The following ZNF835 variants were observed in gnomAD, a reference collection of about 807,000 sequenced individuals.
The protein encoded by ZNF835 is zinc finger protein 835.
For synonymous variants in ZNF835, 323 were observed against 324.7 expected, an observed-to-expected ratio of 0.99 and a Z score of 0.06; for missense variants, 783 against 758.4, an observed-to-expected ratio of 1.03 and a Z score of -0.38.
rs528883526 is a variant in ZNF835 at position 56,667,687 on chromosome 19, C to T, written c.-47-2442G>A. ...AGGCTACGTCTGAAGCTTGTCCTCC[C>T]CACTTCCTGTGTGAGATCCTAACCC... On this transcript the variant is annotated intron_variant, in intron 1 of 1. Transcript: ENST00000537055. 1.1e-4 allele frequency among the ~76,000 whole-genome samples: 17 copies of T among 152,328 alleles called. No individual in the cohort carries two copies. The South Asian group carries it at 3.1e-3, about 28-fold the overall frequency.
chr19:56,665,706 G>A (rs564473760), intron 1 of ZNF835, among the ~76,000 whole-genome samples: 11 of 152,326 alleles, frequency 7.2e-5, no homozygotes, highest in African/African-American at 2.6e-4. Context: ...AGGAGGCTGA[G>A]GCAAGAGGAT....
chr19:56,664,250 G>A lies in ZNF835; in HGVS notation c.949C>T (p.Gln317Ter), dbSNP rs1384937116. The A allele has an allele frequency of 6.2e-7, 1 of 1,603,808 alleles. No homozygotes were observed. The part of the protein sequence containing the change: ...TCQDCGALFS[Q>*]SASLAEHRRI... ...CGGTGCTCGGCCAGAGAGGCGCTCT[G>A]GCTGAAGAGCGCGCCGCAGTCCTGG... Residue 317 changes from glutamine (Q) to a stop codon, truncating the protein, a stop_gained, in exon 2 of 2, where the codon CAG becomes TAG. Coordinates refer to ENST00000537055, the MANE Select transcript of ZNF835 (RefSeq NM_001005850.3). LOFTEE classifies it low-confidence loss of function (END_TRUNC).
At chr19:56,668,884 A>C (rs114849852) in intron 1 of ZNF835, among the ~76,000 whole-genome samples, 2,811 of 152,016 alleles carry the variant, frequency 0.018, 87 homozygotes, top group African/African-American at 0.065. Context: ...CGGAGTGTGC[A>C]GGGGTACCCA....
In ZNF835 at chr19:56,664,689, C is replaced by T; in HGVS notation, c.510G>A (p.Glu170=). 6.2e-7 allele frequency: 1 copy of T among 1,609,732 alleles called. No homozygotes were observed. Among genetic ancestry groups the T allele is most frequent in the Non-Finnish European group, 8.5e-7 (1 of 1,178,256 alleles). The change falls in exon 2 of 2, where the codon GAG becomes GAA. Residue 170 remains glutamate (E), a synonymous_variant. Transcript: ENST00000537055. ...HTGEKPYACH[E]CGKAFSQGSY... is the part of the protein sequence containing the mutation. ...AGCCCTGGCTGAAGGCCTTGCCGCA[C>T]TCGTGGCAGGCGTAGGGCTTCTCGC...
At position 56,663,405 on chromosome 19, in the gene ZNF835, G is replaced by A. The variant is rs2045202898; in HGVS notation, c.*180C>T. ...TGCCCCATTTATAATTTTGCACCAG[G>A]AAGACCGCAGGGGAGTCTGGCAGAT... On this transcript the variant is annotated 3_prime_UTR_variant, in exon 2 of 2. Transcript: ENST00000537055. The A allele has an allele frequency of 3.6e-6, 3 of 827,164 alleles. No homozygotes were observed. Among genetic ancestry groups the A allele is most frequent in the Non-Finnish European group, 3.7e-6 (2 of 540,594 alleles). The allele number at this position is 827,164 out of a possible 1,614,324, so 51.2% of individuals were successfully genotyped here. A position where few individuals can be genotyped will look rare whatever the true frequency, so the allele number is the denominator to read the frequency against.
chr19:56,664,484 C>T lies in ZNF835; in HGVS notation c.715G>A (p.Glu239Lys), dbSNP rs779719679. Residue 239 changes from glutamate to lysine, a missense_variant, in exon 2 of 2, where the codon GAG becomes AAG. Physicochemically the swap from Glu to Lys is moderately conservative, Grantham distance 56 (BLOSUM62 1). Transcript: ENST00000537055. ...TCACCGGTGTGGATGCGCTGGTGCT[C>T]TATCAGGGACGAGCGGTTGCGGAAC... ...KAFRNRSSLI[E>K]HQRIHTGEKP... The T allele has an allele frequency of 6.2e-7, 1 of 1,606,584 alleles. No individual in the cohort carries two copies. The highest frequency in any genetic ancestry group is 8.5e-7 in the Non-Finnish European group (1 of 1,177,388).
Position 56,662,457 on chromosome 19 carries a change from GTA to G in ZNF835, c.*1126_*1127del, listed in dbSNP as rs1411209948. On this transcript the variant is annotated 3_prime_UTR_variant, in exon 2 of 2. Coordinates refer to ENST00000537055, the MANE Select transcript of ZNF835 (RefSeq NM_001005850.3). ...TTAGGGGGAAAAATGGTGGAGATGG[GTA>G]GGTGTTTCCTCATACTGAAAAAAAG... The G allele has an allele frequency of 6.6e-6, 1 of 152,176 alleles. No individual in the cohort carries two copies. The highest frequency in any genetic ancestry group is 1.5e-5 in the Non-Finnish European group (1 of 68,040). The allele number at this position is 152,176 out of a possible 1,614,324, so 9.4% of individuals were successfully genotyped here.
At chr19:56,668,356 A>C (rs1012656307) in intron 1 of ZNF835, among the ~76,000 whole-genome samples, 35 of 145,238 alleles carry the variant, frequency 2.4e-4, no homozygotes, top group African/African-American at 7.8e-4. Flanking sequence ...AAAGGACCTA[A>C]AATAGGGCTT....
rs756901807 is a variant in ZNF835, at chr19:56,664,657, A to C, written c.542T>G (p.Leu181Arg). Residue 181 changes from leucine to arginine, a missense_variant, in exon 2 of 2, where the codon CTG becomes CGG. Transcript: ENST00000537055. ...CGKAFSQGSY[L>R]ASHWRTHTGE... Reference sequence around the variant, plus strand: ...CGTGTGCGTGCGCCAGTGGGACGCCAGGTACGAGCCCTGGCTGAAGGCCTT... The same window carrying C: ...CGTGTGCGTGCGCCAGTGGGACGCCCGGTACGAGCCCTGGCTGAAGGCCTT... The C allele has an allele frequency of 1.2e-6, 2 of 1,610,934 alleles. No individual in the cohort carries two copies. Among genetic ancestry groups the C allele is most frequent in the Admixed American group, 3.4e-5 (2 of 59,520 alleles).
In ZNF835 at chr19:56,664,923, C is replaced by T; in HGVS notation, c.276G>A (p.Glu92=). ...RCSAPGESPK[E]RHPDSRQRER... ...CCCGCTGGCGGCTGTCAGGATGCCTCTCCTTCGGGCTCTCCCCAGGCGCGC... is the reference window on the plus strand; with the variant it reads ...CCCGCTGGCGGCTGTCAGGATGCCTTTCCTTCGGGCTCTCCCCAGGCGCGC... The change falls in exon 2 of 2, where the codon GAG becomes GAA. Residue 92 remains glutamate, a synonymous_variant. Transcript: ENST00000537055. 2 of 1,614,006 alleles carry T rather than the reference C, an allele frequency of 1.2e-6. No individual in the cohort carries two copies. Among genetic ancestry groups the T allele is most frequent in the African/African-American group, 2.7e-5 (2 of 75,066 alleles).
rs2045238514 is a variant in ZNF835, at chr19:56,665,534, A to G, written c.-47-289T>C. ...CCGGACGTGGTGGCTCATGCCTGCA[A>G]TCCCAGCACTTTGGGAGGCCAAGGC... On this transcript the variant is annotated intron_variant, in intron 1 of 1. Coordinates refer to ENST00000537055, the MANE Select transcript of ZNF835 (RefSeq NM_001005850.3). 4 of 555,088 alleles carry G rather than the reference A, an allele frequency of 7.2e-6. No individual in the cohort carries two copies. In the Admixed American group the frequency reaches 7.9e-5, roughly 11 times the overall value. 34.4% of individuals were successfully genotyped at this position (555,088 alleles called of 1,614,324 possible).
chr19:56,663,390 A>G lies in ZNF835; in HGVS notation c.*195T>C. On this transcript the variant is annotated 3_prime_UTR_variant, in exon 2 of 2. Coordinates refer to ENST00000537055, the MANE Select transcript of ZNF835 (RefSeq NM_001005850.3). ...AGGTCTACTTGCCCGTGCCCCATTT[A>G]TAATTTTGCACCAGGAAGACCGCAG... The G allele has an allele frequency of 1.4e-6, 1 of 703,860 alleles. No homozygotes were observed. The highest frequency in any genetic ancestry group is 2.3e-6 in the Non-Finnish European group (1 of 430,894). 43.6% of individuals were successfully genotyped at this position (703,860 alleles called of 1,614,324 possible).
chr19:56,665,519 T>G (rs1244795128), intron 1 of ZNF835: 1 of 580,696 alleles, frequency 1.7e-6, no homozygotes. Context: ...CCGGACGTGG[T>G]GGCTCATGCC....
intron 1 of ZNF835, among the ~76,000 whole-genome samples, chr19:56,669,163 T>C (rs1049379401): frequency 3.3e-5 from 5 of 152,274 alleles, no homozygotes; most frequent in Admixed American, 6.5e-5. Context: ...ACATAGCTCA[T>C]TGAACTCAGG....
At position 56,671,026 on chromosome 19, in the gene ZNF835, C is replaced by G. The variant is rs369552375; in HGVS notation, c.-48+550G>C. 3.0e-4 allele frequency among the ~76,000 whole-genome samples: 46 copies of G among 152,410 alleles called. No individual in the cohort carries two copies. In the East Asian group the frequency reaches 6.4e-3, roughly 21 times the overall value. On this transcript the variant is annotated intron_variant, in intron 1 of 1. Coordinates refer to ENST00000537055, the MANE Select transcript of ZNF835 (RefSeq NM_001005850.3). ...CTGCAGTCACCTGCCTGGGCTGGCA[C>G]CACTGAGTGAGCAGGTGCAGACACA...
Position 56,664,439 on chromosome 19 carries a change from C to T in ZNF835, c.760G>A (p.Ala254Thr). 6.2e-7 allele frequency: 1 copy of T among 1,611,184 alleles called. No individual in the cohort carries two copies. The highest frequency in any genetic ancestry group is 1.3e-5 in the African/African-American group (1 of 74,166). Reference sequence around the variant, plus strand: ...GAGAAGCGGAAGGCCTTGGCGCACGCGGAGCACTCGTAGGGCTTCTCACCG... The same window carrying T: ...GAGAAGCGGAAGGCCTTGGCGCACGTGGAGCACTCGTAGGGCTTCTCACCG... ...HTGEKPYECS[A>T]CAKAFRFSSA... Residue 254 changes from alanine (A) to threonine (T), a missense_variant, in exon 2 of 2, where the codon GCG (alanine) becomes ACG (threonine). Coordinates refer to ENST00000537055, the MANE Select transcript of ZNF835 (RefSeq NM_001005850.3).
At chr19:56,665,340 G>A in intron 1 of ZNF835, 95 bp from the exon 2 acceptor site, 2 of 1,138,580 alleles carry the variant, frequency 1.8e-6, no homozygotes, top group Admixed American at 1.8e-5. Flanking sequence ...ACTTAGCATG[G>A]GGTCCCTGGA....
At chr19:56,669,266 G>T (rs999389436) in intron 1 of ZNF835, among the ~76,000 whole-genome samples, 7 of 152,174 alleles carry the variant, frequency 4.6e-5, no homozygotes, top group Non-Finnish European at 1.0e-4. Flanking sequence ...ATAAGGAGGA[G>T]CTCAGAGCAC....
rs767683186 is a variant in ZNF835 at position 56,665,042 on chromosome 19, C to A, written c.157G>T (p.Glu53Ter). 6.2e-7 allele frequency: 1 copy of A among 1,614,026 alleles called. No homozygotes were observed. The highest frequency in any genetic ancestry group is 2.2e-5 in the East Asian group (1 of 44,870). ...GGGATTCGGCTGAATTCATCGCGTT[C>A]CTGCATGCTGTCCCCAGCAGGGTCT... ...KGDPAGDSMQ[E>*]RDEFSRIPRT... The change falls in exon 2 of 2, where the codon GAA (glutamate) becomes TAA (stop). Residue 53 changes from glutamate (E) to a stop codon, truncating the protein, a stop_gained. Transcript: ENST00000537055. LOFTEE classifies it low-confidence loss of function (END_TRUNC).
Sources: gnomAD v4.1 joint callset for allele counts (sites outside exome capture counted in the v4.1 genomes callset) on GRCh38, gnomAD v4.1.1 for gene constraint, MANE v1.5 for transcripts, NCBI Gene and HGNC (gene_info 2026-07-23, HGNC 2026-07-21) for gene names.